GFOD1: variants seen among roughly 807,000 people sequenced by gnomAD.
GFOD1 encodes the protein glucose-fructose oxidoreductase domain-containing protein 1.
A neutral mutation model predicts 25.4 loss-of-function variants in GFOD1; 9 were observed. The ratio of observed to expected loss-of-function variants is 0.35; its 90% CI spans 0.21 to 0.62. GFOD1 has a LOEUF of 0.62. GFOD1 is among the 20% of genes least tolerant of loss of function. The pLI is 0.72. For synonymous variants in GFOD1, 253 were observed against 245.6 expected, an observed-to-expected ratio of 1.03 and a Z score of -0.28; for missense variants, 403 against 556.9, an observed-to-expected ratio of 0.72 and a Z score of 2.78.
rs754426706 is a variant in GFOD1, at chr6:13,470,502, G to A, written c.253+16136C>T. ...TGGGACTCTCCAAGAGCAGCATCGT[G>A]GGGGGTAAACAAATGTCCCATGTGG... On this transcript the variant is annotated intron_variant, in intron 1 of 1. Transcript: ENST00000379287. The A allele has an allele frequency of 5.2e-6, 8 of 1,549,728 alleles. No homozygotes were observed. The East Asian group carries it at 1.5e-4, about 28-fold the overall frequency.
At chr6:13,435,310 T>C (rs910404922) in intron 1 of GFOD1, among the ~76,000 whole-genome samples, 2 of 152,200 alleles carry the variant, frequency 1.3e-5, no homozygotes, top group African/African-American at 4.8e-5. Flanking sequence ...GCACATGCTG[T>C]ACCCTCTGCC....
chr6:13,371,863 G>C lies in GFOD1; in HGVS notation c.254-6201C>G, dbSNP rs201282971. ...TCGCCCCCCTGAGGGCTCTGTCCCT[G>C]CATCCAGAAATGGCTGTCTTGGAGG... On this transcript the variant is annotated intron_variant, in intron 1 of 1. Transcript: ENST00000379287. 5.9e-5 allele frequency among the ~76,000 whole-genome samples: 9 copies of C among 152,320 alleles called. No homozygotes were observed. The East Asian group carries it at 1.7e-3, about 29-fold the overall frequency.
At chr6:13,485,561 T>C (rs1395197185) in intron 1 of GFOD1, among the ~76,000 whole-genome samples, 1 of 152,040 alleles carries the variant, frequency 6.6e-6, no homozygotes, top group Non-Finnish European at 1.5e-5. Flanking sequence ...GCAACCTTCC[T>C]GGGATTGTTT....
chr6:13,390,817 AAGG>A (rs1785587797), intron 1 of GFOD1, among the ~76,000 whole-genome samples: 1 of 151,728 alleles, frequency 6.6e-6, no homozygotes, highest in Non-Finnish European at 1.5e-5. Flanking sequence ...GGAAGGAAGG[AAGG>A]AAGGAAGGAT....
At chr6:13,486,097 C>T (rs1191993573) in intron 1 of GFOD1, 2 of 986,638 alleles carry the variant, frequency 2.0e-6, no homozygotes, top group East Asian at 1.1e-4. Flanking sequence ...AACAAACGAC[C>T]CTAGCAGGGC....
chr6:13,399,468 CAAT>C (rs1470130415), intron 1 of GFOD1, among the ~76,000 whole-genome samples: 1 of 152,156 alleles, frequency 6.6e-6, no homozygotes, highest in Non-Finnish European at 1.5e-5. Flanking sequence ...CAAAAACTGG[CAAT>C]GACTCAACAT....
intron 1 of GFOD1, among the ~76,000 whole-genome samples, chr6:13,371,049 A>G (rs556136585): frequency 7.2e-5 from 11 of 151,990 alleles, no homozygotes; most frequent in African/African-American, 2.4e-4. Flanking sequence ...AGAGAAAAGC[A>G]CTCTCTCCCA....
intron 1 of GFOD1, among the ~76,000 whole-genome samples, chr6:13,421,583 T>A (rs1786258030): frequency 1.3e-5 from 2 of 151,928 alleles, no homozygotes; most frequent in African/African-American, 4.8e-5. Flanking sequence ...TTCCACACTA[T>A]CCCAACCTCT....
At chr6:13,458,869 C>T (rs1026488991) in intron 1 of GFOD1, among the ~76,000 whole-genome samples, 2 of 143,706 alleles carry the variant, frequency 1.4e-5, no homozygotes, top group African/African-American at 2.5e-5. Flanking sequence ...GCCTAAAGAA[C>T]AGCCAGAATG....
At position 13,360,948 on chromosome 6, in the gene GFOD1, G is replaced by C; in HGVS notation, c.*3795C>G. On this transcript the variant is annotated 3_prime_UTR_variant, in exon 2 of 2. Transcript: ENST00000379287. Reference sequence around the variant, plus strand: ...GACCTCATTTCTGCCTAACAGTTGTGTGACTTTGAACAAGTTCCTCTTCCT... The same window carrying C: ...GACCTCATTTCTGCCTAACAGTTGTCTGACTTTGAACAAGTTCCTCTTCCT... The C allele has an allele frequency of 2.3e-6, 1 of 433,190 alleles. No individual in the cohort carries two copies. The highest frequency in any genetic ancestry group is 4.7e-6 in the Non-Finnish European group (1 of 212,988). The allele number at this position is 433,190 out of a possible 1,614,324, so 26.8% of individuals were successfully genotyped here.
intron 1 of GFOD1, among the ~76,000 whole-genome samples, chr6:13,384,449 G>A (rs1189749689): frequency 6.6e-6 from 1 of 152,130 alleles, no homozygotes; most frequent in East Asian, 1.9e-4. Context: ...AAAATGTTTG[G>A]ACACCTCTAT....
intron 1 of GFOD1, chr6:13,470,067 A>T: frequency 7.2e-7 from 1 of 1,386,166 alleles, no homozygotes; most frequent in African/African-American, 1.5e-5. Context: ...CACTCAGTAA[A>T]TGGGTGAGGA....
intron 1 of GFOD1, among the ~76,000 whole-genome samples, chr6:13,434,537 G>T (rs1274345299): frequency 6.6e-6 from 1 of 151,998 alleles, no homozygotes; most frequent in Non-Finnish European, 1.5e-5. Flanking sequence ...TCAAGTGCAG[G>T]GCATTATGGG....
chr6:13,364,387 G>A lies in GFOD1; in HGVS notation c.*356C>T. 1 of 247,684 alleles carries A rather than the reference G, an allele frequency of 4.0e-6. No individual in the cohort carries two copies. The highest frequency in any genetic ancestry group is 7.9e-6 in the Non-Finnish European group (1 of 127,050). 15.3% of individuals were successfully genotyped at this position (247,684 alleles called of 1,614,324 possible). On this transcript the variant is annotated 3_prime_UTR_variant, in exon 2 of 2. Coordinates refer to ENST00000379287, the MANE Select transcript of GFOD1 (RefSeq NM_018988.4). The surrounding 1 kb of genome is among the most constrained non-coding windows in gnomAD (Gnocchi z 4.1). The stretch of plus-strand genomic sequence containing the variant: ...TGCAGAACCACTTGGCTTGCAGAAG[G>A]CCAAGGTGTGTGGGATGGATGAGGT...
intron 1 of GFOD1, chr6:13,485,913 C>T: frequency 1.8e-6 from 1 of 540,566 alleles, no homozygotes. Context: ...AAGTTAAAAC[C>T]CCCTGGTTTT....
chr6:13,478,432 C>T (rs1210716390), intron 1 of GFOD1, among the ~76,000 whole-genome samples: 1 of 152,220 alleles, frequency 6.6e-6, no homozygotes, highest in Non-Finnish European at 1.5e-5. Flanking sequence ...GCCATCACAC[C>T]CAGCCGAAAT....
Position 13,365,096 on chromosome 6 carries a change from C to T in GFOD1, c.820G>A (p.Glu274Lys). 1 of 1,612,470 alleles carries T rather than the reference C, an allele frequency of 6.2e-7. No individual in the cohort carries two copies. The highest frequency in any genetic ancestry group is 8.5e-7 in the Non-Finnish European group (1 of 1,179,818). ...GCGTCCTGCACCAGCAGCTCCTGCT[C>T]CGGGGCGCTGTTGCGCTGCCCGTAC... is the stretch of plus-strand genomic sequence containing the variant. ...DLYGQRNSAP[E>K]QELLVQDATP... The change falls in exon 2 of 2, where the codon GAG (glutamate) becomes AAG (lysine). Residue 274 changes from glutamate (E) to lysine (K), a missense_variant. Transcript: ENST00000379287. The surrounding 1 kb of genome is among the most constrained non-coding windows in gnomAD (Gnocchi z 9.2).
chr6:13,367,638 A>G (rs1785072552), intron 1 of GFOD1, among the ~76,000 whole-genome samples: 1 of 152,138 alleles, frequency 6.6e-6, no homozygotes, highest in Non-Finnish European at 1.5e-5. Context: ...TGGGGAAAAC[A>G]AAGGATCAAA....
At chr6:13,475,743 TA>T (rs1562231054) in intron 1 of GFOD1, among the ~76,000 whole-genome samples, 2,348 of 144,606 alleles carry the variant, frequency 0.016, 52 homozygotes, top group African/African-American at 0.053. Context: ...ATAATAATAA[TA>T]ATAATAATAA....
Sources: gnomAD v4.1 joint callset for allele counts (sites outside exome capture counted in the v4.1 genomes callset) on GRCh38, gnomAD v4.1.1 for gene constraint, Gnocchi (gnomAD v3.1) non-coding constraint, MANE v1.5 for transcripts, NCBI Gene and HGNC (gene_info 2026-07-23, HGNC 2026-07-21) for gene names.